Variants in ZNF44 observed in about 807,000 individuals in gnomAD.
ZNF44 encodes the protein gonadotropin inducible transcription repressor-2.
Under a neutral mutation model 11.7 loss-of-function variants are expected in ZNF44, and 9 were observed. That is an observed-to-expected ratio of 0.77 (90% CI 0.46 to 1.35). The LOEUF (loss-of-function observed/expected upper bound fraction) is 1.35, where lower values mean the gene tolerates loss of function less well. Among genes scored for constraint, ZNF44 ranks in the 40% most tolerant of loss-of-function variants. ZNF44 has a pLI of 0.00. For synonymous variants in ZNF44, 224 were observed against 242.7 expected, an observed-to-expected ratio of 0.92 and a Z score of 0.72; for missense variants, 696 against 743.1, an observed-to-expected ratio of 0.94 and a Z score of 0.74.
chr19:12,276,140 A>G, intron 1 of ZNF44, 58 bp from the exon 2 acceptor site: 1 of 1,569,950 alleles, frequency 6.4e-7, no homozygotes, highest in Non-Finnish European at 8.7e-7. Context: ...CTGAGAACCT[A>G]TACTCACCTT....
chr19:12,232,489 G>A (rs1249813318), intron 2 of ZNF44, among the ~76,000 whole-genome samples: 1 of 152,118 alleles, frequency 6.6e-6, no homozygotes, highest in African/African-American at 2.4e-5. Context: ...AGGTCCCTGC[G>A]GCCTTCCGCA....
intron 2 of ZNF44, 57 bp from the exon 3 acceptor site, chr19:12,275,090 G>A (rs1273206182): frequency 1.5e-6 from 2 of 1,348,662 alleles, no homozygotes; most frequent in African/African-American, 1.5e-5. Flanking sequence ...TACAAAAATT[G>A]TTAAGATTTT....
chr19:12,260,823 G>A (rs1339129712), intron 5 of ZNF44, among the ~76,000 whole-genome samples: 1 of 152,120 alleles, frequency 6.6e-6, no homozygotes, highest in Admixed American at 6.5e-5. Flanking sequence ...CACAAAGCAT[G>A]TGCTCCCAGT....
chr19:12,267,832 T>C (rs537283810), downstream of ZNF44, among the ~76,000 whole-genome samples: 771 of 123,432 alleles, frequency 6.2e-3, 5 homozygotes, highest in Non-Finnish European at 8.7e-3. Context: ...TGACAGATTG[T>C]CTTTTTTTTT....
At chr19:12,241,467 A>G (rs1378288776), upstream of ZNF44, among the ~76,000 whole-genome samples, 3 of 152,218 alleles carry the variant, frequency 2.0e-5, no homozygotes, top group Non-Finnish European at 1.5e-5. Flanking sequence ...AAGTGGGTGG[A>G]TCACCAGAGG....
exon 8 of ZNF44, chr19:12,248,394 T>C: frequency 1.5e-6 from 2 of 1,291,102 alleles, no homozygotes; most frequent in South Asian, 1.2e-5. Flanking sequence ...TGTTCTTTTA[T>C]GTTTTTTAAA....
intron 1 of ZNF44, among the ~76,000 whole-genome samples, chr19:12,277,180 T>G (rs925684286): frequency 1.3e-5 from 2 of 152,214 alleles, no homozygotes; most frequent in Non-Finnish European, 2.9e-5. Context: ...GTTTTTTCAA[T>G]GTCTTACTTG....
chr19:12,293,442 T>TGAC (rs1968102052), intron 1 of ZNF44: 2 of 1,413,342 alleles, frequency 1.4e-6, no homozygotes, highest in African/African-American at 2.9e-5. Context: ...AAGGCATCTG[T>TGAC]GCCTAGGGGA....
chr19:12,236,128 G>A (rs1893509702), intron 1 of ZNF44, among the ~76,000 whole-genome samples: 1 of 152,200 alleles, frequency 6.6e-6, no homozygotes, highest in African/African-American at 2.4e-5. Context: ...ATTTTGAATC[G>A]ATGAAGCAAA....
rs576069020 is a variant in ZNF44, at chr19:12,285,251, ATTGT to A, written c.4-9173_4-9170del. The A allele has an allele frequency of 4.6e-4, 158 of 345,186 alleles. 3 individuals are homozygous for A. The South Asian group carries it at 0.01, about 23-fold the overall frequency. 21.4% of individuals were successfully genotyped at this position (345,186 alleles called of 1,614,324 possible). On this transcript the variant is annotated intron_variant, in intron 1 of 3. Coordinates refer to ENST00000355684, the MANE Select transcript of ZNF44 (RefSeq NM_016264.4). The stretch of plus-strand genomic sequence containing the variant: ...AAAATGTATAAACAGACATGTATGC[ATTGT>A]TTGTTTGTTTGTTTTTTGAGACAGA...
Position 12,273,066 on chromosome 19 carries a change from C to A in ZNF44, c.1189G>T (p.Val397Leu). ...HTGDGPHKCT[V>L]CGKAFDSPSV... ...GGAGAATCAAAGGCTTTCCCACATA[C>A]TGTGCATTTATGAGGGCCATCTCCA... is the stretch of plus-strand genomic sequence containing the variant. Residue 397 changes from valine (V) to leucine (L), a missense_variant, in exon 4 of 4, where the codon GTA becomes TTA. Physicochemically the swap from Val to Leu is conservative, Grantham distance 32. Coordinates refer to ENST00000355684, the MANE Select transcript of ZNF44 (RefSeq NM_016264.4). The A allele has an allele frequency of 6.2e-7, 1 of 1,613,186 alleles. No individual in the cohort carries two copies. The highest frequency in any genetic ancestry group is 8.5e-7 in the Non-Finnish European group (1 of 1,179,778).
chr19:12,240,263 G>A (rs1471339046), upstream of ZNF44, among the ~76,000 whole-genome samples: 1 of 151,780 alleles, frequency 6.6e-6, no homozygotes, highest in Non-Finnish European at 1.5e-5. Context: ...GGCCAACACG[G>A]TGAAACCCCG....
chr19:12,286,550 T>G (rs1380037180), intron 1 of ZNF44, among the ~76,000 whole-genome samples: 1 of 150,320 alleles, frequency 6.7e-6, no homozygotes, highest in Non-Finnish European at 1.5e-5. Flanking sequence ...AGAAAATTGC[T>G]TGAACCTGGG....
At chr19:12,230,311 C>G (rs1916107145) in intron 3 of ZNF44, 1 of 152,206 alleles carries the variant, frequency 6.6e-6, no homozygotes, top group Non-Finnish European at 1.5e-5. Context: ...ACCTGGAGTT[C>G]TCTTTCTAAA....
At chr19:12,253,713 C>A (rs1393870257) in intron 5 of ZNF44, among the ~76,000 whole-genome samples, 1 of 152,052 alleles carries the variant, frequency 6.6e-6, no homozygotes. Flanking sequence ...AGTACAGTGG[C>A]TCACGCCTAT....
chr19:12,293,444 C>T, intron 1 of ZNF44: 2 of 1,401,540 alleles, frequency 1.4e-6, no homozygotes, highest in Admixed American at 2.6e-5. Flanking sequence ...GGCATCTGTG[C>T]CTAGGGGAGA....
intron 5 of ZNF44, among the ~76,000 whole-genome samples, chr19:12,266,043 C>T (rs1024593292): frequency 6.6e-6 from 1 of 152,190 alleles, no homozygotes; most frequent in African/African-American, 2.4e-5. Flanking sequence ...CCAGAGAGGG[C>T]TCTGGGGCTG....
chr19:12,242,012 A>T (rs978505719), upstream of ZNF44, among the ~76,000 whole-genome samples: 1 of 152,192 alleles, frequency 6.6e-6, no homozygotes, highest in African/African-American at 2.4e-5. Context: ...AGAGCAAGAA[A>T]GGAAAATAGA....
In ZNF44 at chr19:12,274,026, CA is replaced by C; in HGVS notation, c.228del (p.Asp76GlufsTer9). ...DVVERFGKSK[D>X]GSQCGETLSQ... is the part of the protein sequence containing the mutation. ...CTTAAGGTTTCTCCACACTGACTAC[CA>C]TCTTTACTTTTACCAAATCTCTCTA... On this transcript the variant is annotated frameshift_variant, in exon 4 of 4. Coordinates refer to ENST00000355684, the MANE Select transcript of ZNF44 (RefSeq NM_016264.4). LOFTEE classifies it low-confidence loss of function (END_TRUNC). 1 of 1,613,424 alleles carries C rather than the reference CA, an allele frequency of 6.2e-7. No individual in the cohort carries two copies. Among genetic ancestry groups the C allele is most frequent in the Non-Finnish European group, 8.5e-7 (1 of 1,179,538 alleles).
Sources: allele counts gnomAD v4.1 joint callset (sites outside exome capture counted in the v4.1 genomes callset), GRCh38; gene constraint gnomAD v4.1.1; transcripts MANE v1.5; gene names NCBI Gene and HGNC (gene_info 2026-07-23, HGNC 2026-07-21).